The following APPL1 variants were observed in gnomAD, a reference collection of about 807,000 sequenced individuals.
APPL1 encodes adaptor protein, phosphotyrosine interacting with PH domain and leucine zipper 1.
In APPL1, 42 loss-of-function variants were observed where a neutral mutation model predicts 106.8. The ratio of observed to expected loss-of-function variants is 0.39; its 90% confidence interval spans 0.31 to 0.51. APPL1 has a LOEUF of 0.51. Ranked by LOEUF, APPL1 falls within the 20% of genes least tolerant of loss-of-function variation. The pLI is 0.75. For synonymous variants in APPL1, 263 were observed against 281.8 expected (o/e 0.93, Z 0.67); for missense variants, 769 against 858.2 (o/e 0.90, Z 1.30).
intron 1 of APPL1, among the ~76,000 whole-genome samples, chr3:57,230,367 G>A (rs1359337499): frequency 2.6e-5 from 4 of 152,064 alleles, no homozygotes; most frequent in African/African-American, 9.6e-5. Context: ...GGAAGGTCCA[G>A]AAAAGAATAA....
chr3:57,267,045 C>A (rs1303568768), intron 19 of APPL1, among the ~76,000 whole-genome samples: 1 of 152,008 alleles, frequency 6.6e-6, no homozygotes. Context: ...CAGCTTTGTT[C>A]TTTTTGTTTA....
Position 57,248,132 on chromosome 3 carries a change from A to T in APPL1, c.705-61A>T, listed in dbSNP as rs533232239. 17 of 1,507,618 alleles carry T rather than the reference A, an allele frequency of 1.1e-5. No homozygotes were observed. In the South Asian group the frequency reaches 2.4e-4, roughly 21 times the overall value. The allele number at this position is 1,507,618 out of a possible 1,614,324, so 93.4% of individuals were successfully genotyped here. ...ACCCGAAACAAATATGCAGGTAAAC[A>T]TGATTGGTAAGGAGTTCTTTATTGG... On this transcript the variant is annotated intron_variant, in intron 9 of 21. Transcript: ENST00000288266.
At chr3:57,249,813 A>G (rs1029259272) in intron 11 of APPL1, among the ~76,000 whole-genome samples, 1 of 152,214 alleles carries the variant, frequency 6.6e-6, no homozygotes, top group African/African-American at 2.4e-5. Context: ...AAAATCCTGC[A>G]TAGTATCAGG....
chr3:57,268,290 A>ACAT (rs1489774498), intron 20 of APPL1, 108 bp from the exon 21 acceptor site: 11 of 1,175,518 alleles, frequency 9.4e-6, no homozygotes, highest in Middle Eastern at 6.0e-4. Context: ...TTTCTTATGT[A>ACAT]TAAATGCAAA....
intron 5 of APPL1, among the ~76,000 whole-genome samples, chr3:57,241,847 C>T (rs1225057536): frequency 6.6e-6 from 1 of 152,136 alleles, no homozygotes; most frequent in Non-Finnish European, 1.5e-5. Context: ...TTACCATTTA[C>T]AGTGGGTTTT....
chr3:57,262,470 G>A (rs375581803), intron 19 of APPL1, among the ~76,000 whole-genome samples: 2 of 103,454 alleles, frequency 1.9e-5, no homozygotes, highest in African/African-American at 4.1e-5. Context: ...TTGGCTCACC[G>A]TAACCTCCAC....
rs1161761652 is a variant in APPL1, at chr3:57,228,995, A to G, written c.54+1058A>G. Among the ~76,000 whole-genome samples the G allele has an allele frequency of 5.3e-5, 8 of 152,204 alleles. No individual in the cohort carries two copies. The highest frequency in any genetic ancestry group is 1.3e-4 in the Admixed American group (2 of 15,270). ...CACTTCTGCCATGGATTTTGTGCCAATGTTAATTGCCAAGTTGAAATGGGG... is the reference window on the plus strand; with the variant it reads ...CACTTCTGCCATGGATTTTGTGCCAGTGTTAATTGCCAAGTTGAAATGGGG... On this transcript the variant is annotated intron_variant, in intron 1 of 21. Transcript: ENST00000288266. The surrounding 1 kb of genome is among the most constrained non-coding windows in gnomAD (Gnocchi z 4.6).
intron 13 of APPL1, among the ~76,000 whole-genome samples, chr3:57,254,166 A>G (rs1442412519): frequency 6.6e-6 from 1 of 152,128 alleles, no homozygotes; most frequent in Non-Finnish European, 1.5e-5. Context: ...CCTGGCCTGA[A>G]TGAGTAGCTT....
At chr3:57,255,839 A>G (rs1478084216) in intron 13 of APPL1, among the ~76,000 whole-genome samples, 1 of 152,196 alleles carries the variant, frequency 6.6e-6, no homozygotes, top group African/African-American at 2.4e-5. Context: ...CATTTAGGTC[A>G]TACAGTGTTT....
At chr3:57,259,205 C>T in intron 16 of APPL1, 125 bp downstream of exon 16, 1 of 723,002 alleles carries the variant, frequency 1.4e-6, no homozygotes, top group East Asian at 2.8e-5. Context: ...TCAGAATTTC[C>T]TCTACTTACT....
chr3:57,268,348 T>G, intron 20 of APPL1, 50 bp from the exon 21 acceptor site: 1 of 1,458,088 alleles, frequency 6.9e-7, no homozygotes, highest in Non-Finnish European at 9.3e-7. Context: ...TGTCTAAAAT[T>G]TAAAGTTATT....
chr3:57,236,352 G>C (rs2060716751), intron 2 of APPL1, among the ~76,000 whole-genome samples: 2 of 143,538 alleles, frequency 1.4e-5, no homozygotes, highest in Admixed American at 1.4e-4. Context: ...TTTGGAGATG[G>C]AGTTTTGCTA....
chr3:57,241,208 G>A (rs183891397), intron 5 of APPL1, among the ~76,000 whole-genome samples: 16 of 152,288 alleles, frequency 1.1e-4, no homozygotes, highest in Admixed American at 2.6e-4. Flanking sequence ...ACTAGACTGG[G>A]AAGTTGTGGG....
chr3:57,271,723 T>C lies in APPL1; in HGVS notation c.*2036T>C, dbSNP rs1328954835. 1 of 152,240 alleles carries C rather than the reference T, an allele frequency of 6.6e-6. No homozygotes were observed. Among genetic ancestry groups the C allele is most frequent in the East Asian group, 1.9e-4 (1 of 5,196 alleles). 9.4% of individuals were successfully genotyped at this position (152,240 alleles called of 1,614,324 possible). ...ATAGTGTAGGCTAGAGTTAAGGCAC[T>C]GGCAGACTTAGGGATGCTGGACAGA... On this transcript the variant is annotated 3_prime_UTR_variant, in exon 22 of 22. Transcript: ENST00000288266.
rs866828127 is a variant in APPL1 at position 57,270,673 on chromosome 3, T to G, written c.*986T>G. ...ATCTTTTAAATTTCAGACTGATATA[T>G]TCCCAGTATTTTCATAATGCCATGT... On this transcript the variant is annotated 3_prime_UTR_variant, in exon 22 of 22. Coordinates refer to ENST00000288266, the MANE Select transcript of APPL1 (RefSeq NM_012096.3). 1.7e-4 allele frequency: 26 copies of G among 152,654 alleles called. No homozygotes were observed. Among genetic ancestry groups the G allele is most frequent in the African/African-American group, 5.3e-4 (22 of 41,474 alleles). The allele number at this position is 152,654 out of a possible 1,614,324, so 9.5% of individuals were successfully genotyped here.
rs1427455279 is a variant in APPL1 at position 57,242,864 on chromosome 3, G to A, written c.424G>A (p.Ala142Thr). 1 of 1,611,516 alleles carries A rather than the reference G, an allele frequency of 6.2e-7. No homozygotes were observed. The change falls in exon 7 of 22, where the codon GCT (alanine) becomes ACT (threonine). Residue 142 changes from alanine to threonine, a missense_variant. By Grantham distance (58) the Ala-to-Thr change is moderately conservative (BLOSUM62 0). Transcript: ENST00000288266. ...TCATTTCTTTTTTCCAGATCATGAT[G>A]CTGCGATTAATAGATATAGCCGTTT... Reference protein sequence around the residue: ...VFQIASNDHDAAINRYSRLSK... With the variant: ...VFQIASNDHDTAINRYSRLSK...
At chr3:57,247,370 A>G in intron 8 of APPL1, 25 bp from the exon 9 acceptor site, 3 of 1,403,880 alleles carry the variant, frequency 2.1e-6, no homozygotes, top group Non-Finnish European at 2.0e-6. Flanking sequence ...GTATTGTTCA[A>G]TTCCCCCCAC....
chr3:57,253,511 GATAA>G (rs1274159630), intron 12 of APPL1, among the ~76,000 whole-genome samples, 167 bp from the exon 13 acceptor site: 12 of 151,876 alleles, frequency 7.9e-5, no homozygotes, highest in African/African-American at 2.9e-4. Flanking sequence ...TTATAAGGAA[GATAA>G]ATATATTACT....
intron 1 of APPL1, chr3:57,230,909 T>C (rs2060682982): frequency 3.4e-6 from 1 of 296,292 alleles, no homozygotes; most frequent in African/African-American, 2.3e-5. Context: ...TTATTTTTAT[T>C]TTTTGGAGAT....
Sources: allele counts gnomAD v4.1 joint callset (sites outside exome capture counted in the v4.1 genomes callset), GRCh38; gene constraint gnomAD v4.1.1; non-coding constraint Gnocchi (gnomAD v3.1); transcripts MANE v1.5; gene names NCBI Gene and HGNC (gene_info 2026-07-23, HGNC 2026-07-21).